The following ENOSF1 variants were observed in gnomAD, a reference collection of about 807,000 sequenced individuals.
ENOSF1 encodes the protein mitochondrial enolase superfamily member 1.
A neutral mutation model predicts 68.2 loss-of-function variants in ENOSF1; 73 were observed. The observed-to-expected ratio is 1.07, with a 90% CI of 0.89 to 1.30. ENOSF1 has a LOEUF of 1.30. ENOSF1 is among the 50% of genes most tolerant of loss of function. The probability of loss-of-function intolerance (pLI) is 0.00; values close to 1 mark genes in which losing one functional copy is unlikely to be tolerated. For missense variants in ENOSF1, 589 were observed against 554.5 expected (o/e 1.06, Z -0.62); for synonymous variants, 223 against 210.4 (o/e 1.06, Z -0.52).
At chr18:705,045 A>C (rs1389603908) in intron 2 of ENOSF1, among the ~76,000 whole-genome samples, 1 of 152,210 alleles carries the variant, frequency 6.6e-6, no homozygotes, top group Non-Finnish European at 1.5e-5. Context: ...GTGTCCATTG[A>C]AAGTTCAAGG....
chr18:669,582 G>C, downstream of ENOSF1: 1 of 170,560 alleles, frequency 5.9e-6, no homozygotes. Context: ...ATGTTGGTCA[G>C]GCTGGTCTTG....
chr18:690,734 C>T (rs111572339), intron 7 of ENOSF1, 103 bp from the exon 8 acceptor site: 17,947 of 1,539,670 alleles, frequency 0.012, 132 homozygotes, highest in Non-Finnish European at 0.014. Flanking sequence ...CAGCTGTTCT[C>T]CTGATCCGGC....
At chr18:681,374 T>C (rs1250466546) in intron 11 of ENOSF1, among the ~76,000 whole-genome samples, 3 of 152,138 alleles carry the variant, frequency 2.0e-5, no homozygotes, top group African/African-American at 7.2e-5. Flanking sequence ...GCCTCCCTCA[T>C]GTAAGCAAAA....
chr18:708,612 G>T (rs970977544), intron 1 of ENOSF1, among the ~76,000 whole-genome samples: 1 of 152,144 alleles, frequency 6.6e-6, no homozygotes, highest in East Asian at 1.9e-4. Flanking sequence ...GGCAGAGAGC[G>T]CTGTTAGCTG....
At chr18:678,426 G>A in intron 12 of ENOSF1, 1 of 497,480 alleles carries the variant, frequency 2.0e-6, no homozygotes, top group South Asian at 3.4e-5. Context: ...CCTTGCAATA[G>A]CAACTTTAAA....
At chr18:691,426 G>T in intron 5 of ENOSF1, 150 bp from the exon 6 acceptor site, 1 of 635,890 alleles carries the variant, frequency 1.6e-6, no homozygotes, top group Non-Finnish European at 2.7e-6. Flanking sequence ...GCTCACTGCA[G>T]CCTCAGTCTC....
intron 14 of ENOSF1, chr18:675,613 T>G: frequency 1.8e-6 from 1 of 565,498 alleles, no homozygotes. Context: ...GGGACTTTGA[T>G]GACATGAACA....
intron 8 of ENOSF1, among the ~76,000 whole-genome samples, chr18:688,825 T>A (rs1568065248): frequency 1.3e-5 from 2 of 152,316 alleles, no homozygotes; most frequent in East Asian, 3.9e-4. Context: ...TGGGAACCAT[T>A]TTTTTAATGG....
At chr18:700,199 T>C (rs2078180439) in intron 2 of ENOSF1, among the ~76,000 whole-genome samples, 1 of 152,212 alleles carries the variant, frequency 6.6e-6, no homozygotes, top group Admixed American at 6.5e-5. Flanking sequence ...GAACCAGCCA[T>C]TCCAGGTTCT....
Position 673,057 on chromosome 18 carries a change from A to G in ENOSF1, c.*1248T>C. 7.0e-7 allele frequency: 1 copy of G among 1,436,178 alleles called. No homozygotes were observed. The highest frequency in any genetic ancestry group is 9.3e-7 in the Non-Finnish European group (1 of 1,077,490). 89.0% of individuals were successfully genotyped at this position (1,436,178 alleles called of 1,614,324 possible). ...TCTTTAGGGGTTGGGCTGGATGCCG[A>G]GGTAAAAGTTCTTTTTGCTCTAAAA... On this transcript the variant is annotated 3_prime_UTR_variant, in exon 16 of 16. Coordinates refer to ENST00000647584, the MANE Select transcript of ENOSF1 (RefSeq NM_017512.7).
At chr18:700,592 T>C (rs2078233371) in intron 2 of ENOSF1, among the ~76,000 whole-genome samples, 1 of 152,002 alleles carries the variant, frequency 6.6e-6, no homozygotes, top group South Asian at 2.1e-4. Flanking sequence ...CAATAGAAAT[T>C]TGGGTTGTGA....
At chr18:701,008 T>TC (rs896030582) in intron 2 of ENOSF1, among the ~76,000 whole-genome samples, 9 of 151,902 alleles carry the variant, frequency 5.9e-5, no homozygotes, top group African/African-American at 2.2e-4. Context: ...CGGGGGGTTT[T>TC]CTCTTGTGAT....
intron 5 of ENOSF1, 127 bp downstream of exon 5, chr18:693,755 T>C (rs1158906707): frequency 1.7e-5 from 25 of 1,480,652 alleles, no homozygotes; most frequent in Non-Finnish European, 2.2e-5. Flanking sequence ...TATTGGCTTT[T>C]TGCTTTATCA....
chr18:691,921 C>CA (rs2077224450), intron 5 of ENOSF1: 1 of 152,788 alleles, frequency 6.5e-6, no homozygotes, highest in South Asian at 2.1e-4. Context: ...TCACTCTGTA[C>CA]ATCAGCGCCA....
In ENOSF1 at chr18:671,977, A is replaced by G. The variant is rs60279109; in HGVS notation, c.*2328T>C. ...GTATTATTAGTAGAGATGGGGTTTC[A>G]TCATGTTGGCCAGGCTAGTCTCAAA... On this transcript the variant is annotated 3_prime_UTR_variant, in exon 16 of 16. Transcript: ENST00000647584. 60,930 of 153,790 alleles carry G rather than the reference A, an allele frequency of 0.4. 13,188 individuals carry two copies. The highest frequency in any genetic ancestry group is 0.69 in the East Asian group (3,537 of 5,162). The allele number at this position is 153,790 out of a possible 1,614,324, so 9.5% of individuals were successfully genotyped here.
Position 671,133 on chromosome 18 carries a change from A to T in ENOSF1, c.*3172T>A. 1.6e-6 allele frequency: 1 copy of T among 612,732 alleles called. No individual in the cohort carries two copies. The highest frequency in any genetic ancestry group is 2.0e-5 in the South Asian group (1 of 49,476). 38.0% of individuals were successfully genotyped at this position (612,732 alleles called of 1,614,324 possible). On this transcript the variant is annotated 3_prime_UTR_variant, in exon 16 of 16. Transcript: ENST00000647584. ...CTCAAAAGCTATGCTGAGGTTGGGT[A>T]TGGTGGCTCATGCCTGTAATCCCAG...
At position 672,726 on chromosome 18, in the gene ENOSF1, G is replaced by A; in HGVS notation, c.*1579C>T. ...AATCATGTTACATAACCTACGGCAAGGTATCGACAGGATCATACTCCTGTA... is the reference window on the plus strand; with the variant it reads ...AATCATGTTACATAACCTACGGCAAAGTATCGACAGGATCATACTCCTGTA... On this transcript the variant is annotated 3_prime_UTR_variant, in exon 16 of 16. Transcript: ENST00000647584. 1.0e-6 allele frequency: 1 copy of A among 971,806 alleles called. No individual in the cohort carries two copies. The allele number at this position is 971,806 out of a possible 1,614,324, so 60.2% of individuals were successfully genotyped here.
chr18:689,616 A>T (rs537039492), intron 8 of ENOSF1, among the ~76,000 whole-genome samples: 35 of 152,254 alleles, frequency 2.3e-4, no homozygotes, highest in Non-Finnish European at 4.6e-4. Context: ...GAAAGTATTA[A>T]ATTTCTCCCA....
At position 706,815 on chromosome 18, in the gene ENOSF1, A is replaced by ATATT. The variant is rs760562263; in HGVS notation, c.85-238_85-237insAATA. The ATATT allele has an allele frequency of 4.4e-3, 573 of 131,018 alleles. 3 individuals carry two copies. Among genetic ancestry groups the ATATT allele is most frequent in the East Asian group, 0.012 (56 of 4,606 alleles). The allele number at this position is 131,018 out of a possible 1,614,324, so 8.1% of individuals were successfully genotyped here. A position where few individuals can be genotyped will look rare whatever the true frequency, so the allele number is the denominator to read the frequency against. On this transcript the variant is annotated intron_variant, in intron 1 of 15. Coordinates refer to ENST00000647584, the MANE Select transcript of ENOSF1 (RefSeq NM_017512.7). ...GAGCAATGTATGTATATATATATATATTTTTTTTTTTTTTCTTTTTTGAGA... is the reference window on the plus strand; with the variant it reads ...GAGCAATGTATGTATATATATATATATATTTTTTTTTTTTTTTTCTTTTTTGAGA...
Sources: allele counts gnomAD v4.1 joint callset (sites outside exome capture counted in the v4.1 genomes callset), GRCh38; gene constraint gnomAD v4.1.1; transcripts MANE v1.5; gene names NCBI Gene and HGNC (gene_info 2026-07-23, HGNC 2026-07-21).